The following NIN variants were observed in gnomAD, a reference collection of about 807,000 sequenced individuals.
NIN encodes ninein.
In NIN, 137 loss-of-function variants were observed where a neutral mutation model predicts 257.6. That is an observed-to-expected ratio of 0.53 (90% CI 0.46 to 0.61). The LOEUF is 0.61. NIN is among the 20% of genes least tolerant of loss of function. NIN has a pLI of 0.00. For missense variants in NIN, 2,439 were observed against 2,501.2 expected, an observed-to-expected ratio of 0.98 and a Z score of 0.53; for synonymous variants, 918 against 919.8, an observed-to-expected ratio of 1.00 and a Z score of 0.04.
In NIN at chr14:50,756,526, A is replaced by G; in HGVS notation, c.4504T>C (p.Cys1502Arg). The G allele has an allele frequency of 6.2e-7, 1 of 1,611,608 alleles. No homozygotes were observed. Among genetic ancestry groups the G allele is most frequent in the Non-Finnish European group, 8.5e-7 (1 of 1,179,062 alleles). ...TCAACTTTTTGCTGCATCTCACTGC[A>G]CGTGATCTGCAAGTCATGCATCATT... ...KAMMHDLQITCSEMQQKVELL... is the reference protein window; with the variant it reads ...KAMMHDLQITRSEMQQKVELL... Residue 1502 changes from cysteine (C) to arginine (R), a missense_variant, in exon 18 of 31, where the codon TGC becomes CGC. Physicochemically the swap from Cys to Arg is radical, Grantham distance 180. This residue lies in a region of NIN where 2,043 missense variants were observed against 2,050.2 expected (regional missense o/e 1.00). Coordinates refer to ENST00000530997, the MANE Select transcript of NIN (RefSeq NM_020921.4).
At chr14:50,727,815 T>A in intron 29 of NIN, 1 of 1,357,202 alleles carries the variant, frequency 7.4e-7, no homozygotes, top group Non-Finnish European at 1.0e-6. Context: ...AGGGGGAGTC[T>A]AAATTCACAC....
chr14:50,753,375 G>T (rs1330028842), intron 20 of NIN, among the ~76,000 whole-genome samples: 1 of 152,132 alleles, frequency 6.6e-6, no homozygotes, highest in Non-Finnish European at 1.5e-5. Context: ...ACTCCAGCCT[G>T]GGCAACAAGA....
At position 50,723,536 on chromosome 14, in the gene NIN, A is replaced by G. The variant is rs533974263; in HGVS notation, c.6329T>C (p.Ile2110Thr). 3 of 1,613,874 alleles carry G rather than the reference A, an allele frequency of 1.9e-6. No individual in the cohort carries two copies. Among genetic ancestry groups the G allele is most frequent in the African/African-American group, 1.3e-5 (1 of 75,022 alleles). ...CCTAACTATATTACTGAGGCTGGCA[A>G]TCTTCTCCTCCAGGAGGTAATTTTT... ...EKKNYLLEEK[I>T]ASLSNIVRNL... is the part of the protein sequence containing the mutation. The change falls in exon 31 of 31, where the codon ATT becomes ACT. Residue 2110 changes from isoleucine (I) to threonine (T), a missense_variant. Ile to Thr is a moderately conservative substitution (Grantham distance 89). Coordinates refer to ENST00000530997, the MANE Select transcript of NIN (RefSeq NM_020921.4).
chr14:50,741,955 G>A lies in NIN; in HGVS notation c.5302-227C>T, dbSNP rs146291102. ...TGAACTATGTCTGGAGCAAGGTATT[G>A]CTGATAGTCATCTGGTAGATTACTA... On this transcript the variant is annotated intron_variant, in intron 24 of 30. Coordinates refer to ENST00000530997, the MANE Select transcript of NIN (RefSeq NM_020921.4). 471 of 455,086 alleles carry A rather than the reference G, an allele frequency of 1.0e-3. 2 individuals carry two copies. Among genetic ancestry groups the A allele is most frequent in the Admixed American group, 4.6e-3 (126 of 27,292 alleles). 28.2% of individuals were successfully genotyped at this position (455,086 alleles called of 1,614,324 possible). A position where few individuals can be genotyped will look rare whatever the true frequency, so the allele number is the denominator to read the frequency against.
chr14:50,745,341 G>T (rs993203314), intron 22 of NIN, among the ~76,000 whole-genome samples: 1 of 152,120 alleles, frequency 6.6e-6, no homozygotes, highest in East Asian at 1.9e-4. Context: ...ATGTTCTGGG[G>T]CAGGAGAGCA....
At chr14:50,729,494 G>T in intron 29 of NIN, 29 bp downstream of exon 29, 3 of 1,578,926 alleles carry the variant, frequency 1.9e-6, no homozygotes, top group South Asian at 2.3e-5. Flanking sequence ...ATTAACAGGT[G>T]ATCTACTAGA....
At chr14:50,760,861 G>T (rs1417957842) in intron 16 of NIN, among the ~76,000 whole-genome samples, 1 of 151,924 alleles carries the variant, frequency 6.6e-6, no homozygotes, top group Non-Finnish European at 1.5e-5. Context: ...TAGAGACGGG[G>T]TCTCACCATG....
Position 50,729,541 on chromosome 14 carries a change from G to T in NIN, c.6060C>A (p.Ser2020=). Residue 2020 remains serine (S), a synonymous_variant, in exon 29 of 31, where the codon TCC becomes TCA. Coordinates refer to ENST00000530997, the MANE Select transcript of NIN (RefSeq NM_020921.4). ...TTCATACCTGTGGTGTGTTGGTTTCGGAGGTCCTGTTTTCAAGTTCCTCCT... is the reference window on the plus strand; with the variant it reads ...TTCATACCTGTGGTGTGTTGGTTTCTGAGGTCCTGTTTTCAAGTTCCTCCT... The part of the protein sequence containing the change: ...HLQEELENRT[S]ETNTPQGNQE... 2 of 1,613,860 alleles carry T rather than the reference G, an allele frequency of 1.2e-6. No homozygotes were observed. Among genetic ancestry groups the T allele is most frequent in the Non-Finnish European group, 1.7e-6 (2 of 1,179,892 alleles).
At chr14:50,749,395 G>C (rs2041692272) in intron 21 of NIN, among the ~76,000 whole-genome samples, 1 of 152,146 alleles carries the variant, frequency 6.6e-6, no homozygotes, top group Non-Finnish European at 1.5e-5. Flanking sequence ...CAGGACACAG[G>C]CATGGGCAAG....
Position 50,760,177 on chromosome 14 carries a change from G to A in NIN, c.2079C>T (p.Ala693=), listed in dbSNP as rs776321059. 6.2e-7 allele frequency: 1 copy of A among 1,614,056 alleles called. No individual in the cohort carries two copies. Among genetic ancestry groups the A allele is most frequent in the East Asian group, 2.2e-5 (1 of 44,854 alleles). ...AAVLKEAHHE[A]TCRHEEEKKQ... ...TTTTCTCCTCCTCATGCCTGCAAGT[G>A]GCCTCATGATGTGCCTCCTTGAGCA... The change falls in exon 17 of 31, where the codon GCC becomes GCT. Residue 693 remains alanine (A), a synonymous_variant. Coordinates refer to ENST00000530997, the MANE Select transcript of NIN (RefSeq NM_020921.4).
At chr14:50,802,228 C>T (rs1180687689) in intron 4 of NIN, among the ~76,000 whole-genome samples, 2 of 152,238 alleles carry the variant, frequency 1.3e-5, no homozygotes, top group East Asian at 3.8e-4. Context: ...AGACTTCCTA[C>T]ATCCCAATCC....
At chr14:50,765,232 G>A (rs768136471) in intron 14 of NIN, among the ~76,000 whole-genome samples, 1 of 152,038 alleles carries the variant, frequency 6.6e-6, no homozygotes, top group South Asian at 2.1e-4. Flanking sequence ...GCTAGATTCC[G>A]TCTTAAAAAA....
intron 4 of NIN, among the ~76,000 whole-genome samples, chr14:50,800,113 CAT>C (rs2044030782): frequency 6.6e-6 from 1 of 151,844 alleles, no homozygotes; most frequent in Admixed American, 6.6e-5. Context: ...TTTTAAATTA[CAT>C]GAGTATTTCT....
intron 21 of NIN, among the ~76,000 whole-genome samples, chr14:50,749,334 G>A (rs189433445): frequency 2.6e-5 from 4 of 152,278 alleles, no homozygotes; most frequent in African/African-American, 7.2e-5. Flanking sequence ...AGACTTAAAT[G>A]TAAGACCCAA....
At chr14:50,803,540 C>G (rs778414784) in intron 4 of NIN, among the ~76,000 whole-genome samples, 3 of 152,108 alleles carry the variant, frequency 2.0e-5, no homozygotes, top group African/African-American at 4.8e-5. Context: ...CTGCACTGAC[C>G]GAAGACTGGC....
At chr14:50,745,234 T>C (rs924735632) in intron 22 of NIN, among the ~76,000 whole-genome samples, 4 of 152,116 alleles carry the variant, frequency 2.6e-5, no homozygotes, top group Non-Finnish European at 5.9e-5. Context: ...CTGGACACTG[T>C]AGGATGCTTC....
chr14:50,816,494 T>C (rs1018218460), intron 3 of NIN, among the ~76,000 whole-genome samples: 1 of 152,110 alleles, frequency 6.6e-6, no homozygotes, highest in Admixed American at 6.5e-5. Context: ...GGTGAGGGAA[T>C]GGAGATTCAC....
rs527880893 is a variant in NIN at position 50,746,335 on chromosome 14, T to C, written c.5064+1657A>G. Among the ~76,000 whole-genome samples, 171 of 152,378 alleles carry C rather than the reference T, an allele frequency of 1.1e-3. 1 individual carries two copies. Among genetic ancestry groups the C allele is most frequent in the African/African-American group, 4.1e-3 (169 of 41,594 alleles). Reference sequence around the variant, plus strand: ...CATGAGTTTTAACTTCTGTTATGTTTATATGGACAGGCGACTTCTCTAGTC... The same window carrying C: ...CATGAGTTTTAACTTCTGTTATGTTCATATGGACAGGCGACTTCTCTAGTC... On this transcript the variant is annotated intron_variant, in intron 22 of 30. Transcript: ENST00000530997.
intron 3 of NIN, among the ~76,000 whole-genome samples, chr14:50,816,297 A>G (rs2044892540): frequency 6.6e-6 from 1 of 152,102 alleles, no homozygotes. Context: ...TGTGCAGCAA[A>G]CCACCATGGC....
Sources: allele counts gnomAD v4.1 joint callset (sites outside exome capture counted in the v4.1 genomes callset), GRCh38; gene constraint gnomAD v4.1.1; regional missense constraint gnomAD v4.1.1; transcripts MANE v1.5; gene names NCBI Gene and HGNC (gene_info 2026-07-23, HGNC 2026-07-21).